CPQ: variants seen among roughly 807,000 people sequenced by gnomAD.
CPQ encodes the protein carboxypeptidase Q.
A neutral mutation model predicts 45.7 loss-of-function variants in CPQ; 37 were observed. The ratio of observed to expected loss-of-function variants is 0.81; its 90% CI spans 0.62 to 1.07. The LOEUF (loss-of-function observed/expected upper bound fraction) is 1.07. Ranked by LOEUF, CPQ falls within the 50% of genes least tolerant of loss-of-function variation. The probability of loss-of-function intolerance (pLI) is 0.00; values close to 1 mark genes in which losing one functional copy is unlikely to be tolerated. For missense variants in CPQ, 537 were observed against 572.9 expected (o/e 0.94, Z 0.64); for synonymous variants, 186 against 205.8 (o/e 0.90, Z 0.82).
At chr8:96,685,145 G>A (rs904279451) in intron 1 of CPQ, among the ~76,000 whole-genome samples, 76 of 41,138 alleles carry the variant, frequency 1.8e-3, no homozygotes, top group Non-Finnish European at 4.2e-3. Context: ...ACAAAAAACA[G>A]AGTTAGCTCA....
At chr8:96,997,304 G>GA (rs1431286058) in intron 5 of CPQ, among the ~76,000 whole-genome samples, 1 of 151,852 alleles carries the variant, frequency 6.6e-6, no homozygotes, top group Non-Finnish European at 1.5e-5. Context: ...AGAGAGCTAG[G>GA]AAAATCTTAC....
intron 5 of CPQ, among the ~76,000 whole-genome samples, chr8:97,008,756 G>A (rs1287796927): frequency 1.3e-5 from 2 of 152,194 alleles, no homozygotes; most frequent in Non-Finnish European, 2.9e-5. Flanking sequence ...AAAAGTACTA[G>A]TACCTGCATC....
chr8:96,825,783 A>G (rs1195257729), intron 2 of CPQ, among the ~76,000 whole-genome samples: 2 of 152,028 alleles, frequency 1.3e-5, no homozygotes, highest in Non-Finnish European at 2.9e-5. Flanking sequence ...TTACTTCTCT[A>G]AGAAGAACAT....
intron 6 of CPQ, among the ~76,000 whole-genome samples, chr8:97,060,601 C>T (rs1196127441): frequency 6.6e-6 from 1 of 152,156 alleles, no homozygotes; most frequent in Admixed American, 6.6e-5. Context: ...TGCTCAGCCT[C>T]CTCTTCTATG....
intron 2 of CPQ, among the ~76,000 whole-genome samples, chr8:96,817,242 C>T (rs575564457): frequency 4.6e-5 from 7 of 152,244 alleles, no homozygotes; most frequent in Middle Eastern, 3.4e-3. Context: ...TGCTGCTTCA[C>T]CTTGCATTTT....
intron 4 of CPQ, among the ~76,000 whole-genome samples, chr8:96,935,792 C>G (rs1432954513): frequency 3.3e-5 from 5 of 152,120 alleles, no homozygotes; most frequent in Non-Finnish European, 7.4e-5. Context: ...TGTGGCATAG[C>G]ATAAAATACT....
intron 2 of CPQ, among the ~76,000 whole-genome samples, chr8:96,796,496 C>A (rs534135935): frequency 4.0e-5 from 6 of 151,842 alleles, no homozygotes; most frequent in African/African-American, 1.4e-4. Flanking sequence ...TTCATTTTTT[C>A]TTAAAAGCAT....
At chr8:96,792,461 A>G (rs545883558) in intron 2 of CPQ, among the ~76,000 whole-genome samples, 23 of 152,350 alleles carry the variant, frequency 1.5e-4, no homozygotes, top group African/African-American at 5.5e-4. Flanking sequence ...ATTAATCCTC[A>G]TTGGAGACTG....
At chr8:96,958,744 T>G (rs1031194539) in intron 4 of CPQ, among the ~76,000 whole-genome samples, 8 of 152,120 alleles carry the variant, frequency 5.3e-5, no homozygotes, top group Non-Finnish European at 8.8e-5. Context: ...CATGATCTCC[T>G]TTTTGTGAGT....
At chr8:96,991,389 C>G (rs945133088) in intron 5 of CPQ, among the ~76,000 whole-genome samples, 2 of 151,850 alleles carry the variant, frequency 1.3e-5, no homozygotes, top group African/African-American at 4.8e-5. Context: ...AAACCCCATC[C>G]TACTAAACAT....
At chr8:96,753,035 T>C (rs1810281710) in intron 1 of CPQ, among the ~76,000 whole-genome samples, 1 of 152,198 alleles carries the variant, frequency 6.6e-6, no homozygotes, top group Non-Finnish European at 1.5e-5. Flanking sequence ...GCTTTTAAAA[T>C]ATATTTTCAT....
intron 5 of CPQ, among the ~76,000 whole-genome samples, chr8:97,016,576 G>A (rs374059451): frequency 1.3e-5 from 2 of 152,250 alleles, no homozygotes; most frequent in Non-Finnish European, 2.9e-5. Flanking sequence ...TGGTCTAATG[G>A]GAAGATCAAC....
intron 7 of CPQ, among the ~76,000 whole-genome samples, chr8:97,125,660 T>C (rs934933261): frequency 6.6e-6 from 1 of 152,160 alleles, no homozygotes; most frequent in Non-Finnish European, 1.5e-5. Flanking sequence ...ATAAAAAGCA[T>C]TGCACAAAAT....
At chr8:96,679,879 C>A (rs966576947) in intron 1 of CPQ, among the ~76,000 whole-genome samples, 2 of 151,650 alleles carry the variant, frequency 1.3e-5, no homozygotes, top group East Asian at 3.9e-4. Context: ...CTTTTCATTT[C>A]ATCGATCCTT....
chr8:96,750,120 A>T (rs1427600221), intron 1 of CPQ, among the ~76,000 whole-genome samples: 1 of 151,748 alleles, frequency 6.6e-6, no homozygotes, highest in Non-Finnish European at 1.5e-5. Context: ...TGTAAAACAG[A>T]TATATACATG....
At chr8:96,985,347 T>G (rs1813996795) in intron 5 of CPQ, among the ~76,000 whole-genome samples, 1 of 152,144 alleles carries the variant, frequency 6.6e-6, no homozygotes, top group Admixed American at 6.6e-5. Context: ...TCTGTCCTTC[T>G]GTAATCCATA....
At chr8:97,059,707 A>C (rs1404883644) in intron 6 of CPQ, among the ~76,000 whole-genome samples, 1 of 152,202 alleles carries the variant, frequency 6.6e-6, no homozygotes, top group African/African-American at 2.4e-5. Flanking sequence ...CACTGGCAGA[A>C]CTGCAAAACA....
rs752150876 is a variant in CPQ, at chr8:97,066,916, C to CTTTT, written c.1255+732_1255+735dup. On this transcript the variant is annotated intron_variant, in intron 7 of 7. Coordinates refer to ENST00000220763, the MANE Select transcript of CPQ (RefSeq NM_016134.4). ...TACAAGCTGGAACAGCTGGAACAGT[C>CTTTT]TTTTTTTTTTTTTTTTTTTTTTTTT... Among the ~76,000 whole-genome samples, 348 of 60,388 alleles carry CTTTT rather than the reference C, an allele frequency of 5.8e-3. 22 individuals carry two copies. The highest frequency in any genetic ancestry group is 0.019 in the African/African-American group (332 of 17,162). 39.6% of individuals were successfully genotyped at this position (60,388 alleles called of 152,430 possible). A position where few individuals can be genotyped will look rare whatever the true frequency, so the allele number is the denominator to read the frequency against.
At chr8:96,881,686 C>A (rs1311748740) in intron 4 of CPQ, among the ~76,000 whole-genome samples, 1 of 152,156 alleles carries the variant, frequency 6.6e-6, no homozygotes, top group African/African-American at 2.4e-5. Context: ...GAATATTAAA[C>A]CAAGCTTTAA....
Sources: gnomAD v4.1 joint callset for allele counts (sites outside exome capture counted in the v4.1 genomes callset) on GRCh38, gnomAD v4.1.1 for gene constraint, MANE v1.5 for transcripts, NCBI Gene and HGNC (gene_info 2026-07-23, HGNC 2026-07-21) for gene names.